CDH18: variants seen among roughly 807,000 people sequenced by gnomAD.
CDH18 encodes the protein cadherin-18.
Under a neutral mutation model 67.9 loss-of-function variants are expected in CDH18, and 31 were observed. That is an observed-to-expected ratio of 0.46 (90% confidence interval 0.34 to 0.62). The LOEUF is 0.62. Among genes scored for constraint, CDH18 ranks in the 20% least tolerant of loss-of-function variants. The pLI is 0.01. For missense variants in CDH18, 890 were observed against 975.5 expected (o/e 0.91, Z 1.17); for synonymous variants, 362 against 347.2 (o/e 1.04, Z -0.48).
At chr5:19,791,575 C>T (rs1017213981) in intron 3 of CDH18, among the ~76,000 whole-genome samples, 3 of 152,104 alleles carry the variant, frequency 2.0e-5, no homozygotes, top group Admixed American at 2.0e-4. Flanking sequence ...GAACTAGTCA[C>T]TCATGCTCGC....
At position 20,521,309 on chromosome 5, in the gene CDH18, G is replaced by A. The variant is rs74717243; in HGVS notation, c.-580+54153C>T. Reference sequence around the variant, plus strand: ...AAGCAAAATGGTTTGAAAATGAGGGGCTAGTGATGTAGAGGGTGATAAAAC... The same window carrying A: ...AAGCAAAATGGTTTGAAAATGAGGGACTAGTGATGTAGAGGGTGATAAAAC... On this transcript the variant is annotated intron_variant, in intron 1 of 14. Transcript: ENST00000507958. Among the ~76,000 whole-genome samples, 66 of 152,164 alleles carry A rather than the reference G, an allele frequency of 4.3e-4. No individual in the cohort carries two copies. The East Asian group carries it at 0.011, about 26-fold the overall frequency.
rs1310693355 is a variant in CDH18 at position 19,829,218 on chromosome 5, CA to C, written c.228+9540del. ...TACTGGAAGTCCTGGCTACAGCATT[CA>C]GGCAAGAGAAAGAAATAAAAACCAT... On this transcript the variant is annotated intron_variant, in intron 3 of 12. Transcript: ENST00000382275. Among the ~76,000 whole-genome samples the C allele has an allele frequency of 3.3e-5, 5 of 152,236 alleles. No homozygotes were observed. In the East Asian group the frequency reaches 9.7e-4, roughly 29 times the overall value.
At chr5:20,387,745 G>T (rs1200953413) in intron 1 of CDH18, among the ~76,000 whole-genome samples, 1 of 152,058 alleles carries the variant, frequency 6.6e-6, no homozygotes, top group Non-Finnish European at 1.5e-5. Flanking sequence ...ACGTCCCATT[G>T]ATACCTAATT....
At chr5:20,551,738 T>C (rs1366208464) in intron 1 of CDH18, among the ~76,000 whole-genome samples, 1 of 152,182 alleles carries the variant, frequency 6.6e-6, no homozygotes, top group Non-Finnish European at 1.5e-5. Flanking sequence ...AAGATGAGAA[T>C]TTAAGAAATC....
intron 2 of CDH18, among the ~76,000 whole-genome samples, chr5:20,007,379 C>T (rs1736988867): frequency 6.6e-6 from 1 of 151,750 alleles, no homozygotes; most frequent in Non-Finnish European, 1.5e-5. Context: ...TTGACTTAGG[C>T]ATCATTCCAC....
At chr5:19,926,911 T>C (rs771284095) in intron 2 of CDH18, among the ~76,000 whole-genome samples, 19 of 152,122 alleles carry the variant, frequency 1.2e-4, no homozygotes, top group Non-Finnish European at 1.8e-4. Flanking sequence ...TGCATAAGGG[T>C]ATACCTCAAT....
At chr5:20,195,156 T>A (rs1738873628) in intron 2 of CDH18, among the ~76,000 whole-genome samples, 1 of 152,060 alleles carries the variant, frequency 6.6e-6, no homozygotes, top group Non-Finnish European at 1.5e-5. Context: ...GTGTACCCAA[T>A]TATCATCATA....
At chr5:20,389,966 A>G (rs1744692832) in intron 1 of CDH18, among the ~76,000 whole-genome samples, 1 of 152,210 alleles carries the variant, frequency 6.6e-6, no homozygotes, top group African/African-American at 2.4e-5. Flanking sequence ...TCCCTTCCTT[A>G]CACCTTATAC....
At chr5:19,551,157 A>T (rs1451277598) in intron 8 of CDH18, among the ~76,000 whole-genome samples, 1 of 152,186 alleles carries the variant, frequency 6.6e-6, no homozygotes, top group African/African-American at 2.4e-5. Flanking sequence ...ACTTTTAAAG[A>T]TAAATGAAGA....
At chr5:19,817,403 T>C (rs184033436) in intron 3 of CDH18, among the ~76,000 whole-genome samples, 1 of 152,042 alleles carries the variant, frequency 6.6e-6, no homozygotes, top group Non-Finnish European at 1.5e-5. Context: ...GTGTGCTACA[T>C]GATATGTGTA....
chr5:19,780,413 T>A (rs1350037090), intron 3 of CDH18, among the ~76,000 whole-genome samples: 1 of 152,180 alleles, frequency 6.6e-6, no homozygotes, highest in Non-Finnish European at 1.5e-5. Context: ...ACATGTTAAT[T>A]TTATGTTTTG....
chr5:20,545,986 A>G (rs193157528), intron 1 of CDH18, among the ~76,000 whole-genome samples: 201 of 152,260 alleles, frequency 1.3e-3, no homozygotes, highest in African/African-American at 4.5e-3. Flanking sequence ...GCCAGGTCAT[A>G]TCTTGAATGC....
At position 19,558,475 on chromosome 5, in the gene CDH18, C is replaced by T. The variant is rs916017358; in HGVS notation, c.1253+13104G>A. On this transcript the variant is annotated intron_variant, in intron 8 of 12. Coordinates refer to ENST00000382275, the MANE Select transcript of CDH18 (RefSeq NM_004934.5). ...AAAACAGGAGATAGTAGAACTGATA[C>T]CACAGACATACAAAAGAGCATTCTA... 5.3e-5 allele frequency among the ~76,000 whole-genome samples: 8 copies of T among 151,922 alleles called. No individual in the cohort carries two copies. In the East Asian group the frequency reaches 1.4e-3, roughly 26 times the overall value.
intron 1 of CDH18, among the ~76,000 whole-genome samples, chr5:20,543,205 C>T (rs1757150415): frequency 6.6e-6 from 1 of 151,974 alleles, no homozygotes; most frequent in Admixed American, 6.6e-5. Context: ...CCAAGTTACA[C>T]TGCTATTTAA....
At chr5:19,870,253 T>C (rs888969988) in intron 2 of CDH18, among the ~76,000 whole-genome samples, 1 of 152,116 alleles carries the variant, frequency 6.6e-6, no homozygotes, top group Non-Finnish European at 1.5e-5. Flanking sequence ...GGTCATGTAA[T>C]TCTTGTCAAA....
chr5:20,265,857 G>T (rs1744993485), intron 1 of CDH18, among the ~76,000 whole-genome samples: 1 of 152,186 alleles, frequency 6.6e-6, no homozygotes. Context: ...TGTGTCAGTG[G>T]ATGTGTTTCT....
At chr5:20,087,870 T>C (rs1191329126) in intron 2 of CDH18, among the ~76,000 whole-genome samples, 1 of 152,020 alleles carries the variant, frequency 6.6e-6, no homozygotes, top group Non-Finnish European at 1.5e-5. Context: ...TAACTTAGAA[T>C]AAAAAACAAA....
intron 2 of CDH18, among the ~76,000 whole-genome samples, chr5:20,013,473 T>C (rs1192497419): frequency 6.6e-6 from 1 of 152,092 alleles, no homozygotes; most frequent in African/African-American, 2.4e-5. Flanking sequence ...CAGCTTAGAA[T>C]GTCTTTGAAC....
intron 1 of CDH18, among the ~76,000 whole-genome samples, chr5:20,556,511 G>C (rs762271845): frequency 1.3e-5 from 2 of 152,064 alleles, no homozygotes; most frequent in East Asian, 3.9e-4. Flanking sequence ...AAGTAGGCCC[G>C]TTCTCTTCTC....
Sources: gnomAD v4.1 joint callset for allele counts (sites outside exome capture counted in the v4.1 genomes callset) on GRCh38, gnomAD v4.1.1 for gene constraint, MANE v1.5 for transcripts, NCBI Gene and HGNC (gene_info 2026-07-23, HGNC 2026-07-21) for gene names.